MIDEAS: variants seen among roughly 807,000 people sequenced by gnomAD.
MIDEAS encodes mitotic deacetylase-associated SANT domain protein.
In MIDEAS, 26 loss-of-function variants were observed where a neutral mutation model predicts 102.7. The observed-to-expected ratio is 0.25, with a 90% CI of 0.19 to 0.35. MIDEAS has a LOEUF of 0.35. Ranked by LOEUF, MIDEAS falls within the 10% of genes least tolerant of loss-of-function variation. The pLI is 1.00. For missense variants in MIDEAS, 1,231 were observed against 1,435.6 expected, an observed-to-expected ratio of 0.86 and a Z score of 2.30; for synonymous variants, 585 against 591.0, an observed-to-expected ratio of 0.99 and a Z score of 0.15.
At chr14:73,779,985 G>A (rs1431546879) in intron 1 of MIDEAS, among the ~76,000 whole-genome samples, 7 of 150,384 alleles carry the variant, frequency 4.7e-5, no homozygotes, top group Admixed American at 3.3e-4. Context: ...CCATTCTCCC[G>A]ACTCAGCCTC....
rs1595252202 is a variant in MIDEAS, at chr14:73,722,810, T to C, written c.2612A>G (p.Tyr871Cys). Residue 871 changes from tyrosine (Y) to cysteine (C), a missense_variant, in exon 10 of 13, where the codon TAC becomes TGC. Tyr to Cys is a radical substitution (Grantham distance 194, BLOSUM62 -2). Coordinates refer to ENST00000423556, the MANE Select transcript of MIDEAS (RefSeq NM_001367710.1). ...TKTVAQCVEF[Y>C]YTYKKQVKIG... ...TTTCACCTGCTTCTTGTAGGTGTAGTAGAACTCCACGCACTGGGCCACGGT... is the reference window on the plus strand; with the variant it reads ...TTTCACCTGCTTCTTGTAGGTGTAGCAGAACTCCACGCACTGGGCCACGGT... 6.2e-7 allele frequency: 1 copy of C among 1,614,220 alleles called. No homozygotes were observed. Among genetic ancestry groups the C allele is most frequent in the South Asian group, 1.1e-5 (1 of 91,086 alleles).
chr14:73,738,973 AGCGGCGGGG>A lies in MIDEAS; in HGVS notation c.1027_1035del (p.Pro343_Arg345del), dbSNP rs1338136228. 6.5e-7 allele frequency: 1 copy of A among 1,531,464 alleles called. No homozygotes were observed. The highest frequency in any genetic ancestry group is 1.4e-5 in the African/African-American group (1 of 72,268). The allele number at this position is 1,531,464 out of a possible 1,614,324, so 94.9% of individuals were successfully genotyped here. On this transcript the variant is annotated inframe_deletion, in exon 2 of 13. Transcript: ENST00000423556. ...ATACCCTCCTTAGAGAGGCGGCGGG[AGCGGCGGGG>A]GAAGGGGATCTGGACCTGAGGTAGC...
rs141337993 is a variant in MIDEAS at position 73,729,946 on chromosome 14, C to T, written c.1789G>A (p.Val597Met). The change falls in exon 4 of 13, where the codon GTG becomes ATG. Residue 597 changes from valine (V) to methionine (M), a missense_variant. By Grantham distance (21) the Val-to-Met change is conservative. Coordinates refer to ENST00000423556, the MANE Select transcript of MIDEAS (RefSeq NM_001367710.1). ...MNVKLEGEPS[V>M]RKPKQRPRPE... is the part of the protein sequence containing the mutation. ...CTGGGCCGCTGCTTTGGTTTCCGCA[C>T]GGAAGGCTCCCCCTCCAACTTGACA... 76 of 1,601,068 alleles carry T rather than the reference C, an allele frequency of 4.7e-5. No individual in the cohort carries two copies. In the Middle Eastern group the frequency reaches 6.7e-4, roughly 14 times the overall value.
intron 4 of MIDEAS, 31 bp downstream of exon 4, chr14:73,729,609 C>CCTGCCAGGGT: frequency 6.4e-7 from 1 of 1,559,870 alleles, no homozygotes; most frequent in South Asian, 1.2e-5. Context: ...CAGCCCCGCT[C>CCTGCCAGGGT]CTGCCAGGGT....
At chr14:73,762,357 C>T (rs143052015), upstream of MIDEAS, among the ~76,000 whole-genome samples, 476 of 152,338 alleles carry the variant, frequency 3.1e-3, 3 homozygotes, top group African/African-American at 0.011. Context: ...ATAGTGGAGG[C>T]AGGTGGCAGG....
intron 3 of MIDEAS, among the ~76,000 whole-genome samples, chr14:73,735,645 G>T (rs1417338517): frequency 6.6e-6 from 1 of 152,250 alleles, no homozygotes; most frequent in Admixed American, 6.5e-5. Context: ...TAAATGATGG[G>T]AGAAGATGCA....
chr14:73,729,147 T>C (rs1000407925), intron 4 of MIDEAS: 1 of 154,086 alleles, frequency 6.5e-6, no homozygotes, highest in African/African-American at 2.4e-5. Flanking sequence ...CCAAAAAGAC[T>C]GTTCGAGAGC....
rs377084756 is a variant in MIDEAS at position 73,737,210 on chromosome 14, T to G, written c.1537A>C (p.Thr513Pro). The stretch of plus-strand genomic sequence containing the variant: ...CCACTGTCTTCTCGTGCTCGCTTGG[T>G]GGCTAAGGAAGGCTCAGAAAACTCC... Reference protein sequence around the residue: ...GVEFSEPSLATKRAREDSGMV... With the variant: ...GVEFSEPSLAPKRAREDSGMV... The change falls in exon 3 of 13, where the codon ACC becomes CCC. Residue 513 changes from threonine (T) to proline (P), a missense_variant. By Grantham distance (38) the Thr-to-Pro change is conservative. Coordinates refer to ENST00000423556, the MANE Select transcript of MIDEAS (RefSeq NM_001367710.1). The G allele has an allele frequency of 6.2e-7, 1 of 1,614,132 alleles. No individual in the cohort carries two copies. Among genetic ancestry groups the G allele is most frequent in the Non-Finnish European group, 8.5e-7 (1 of 1,180,028 alleles).
intron 1 of MIDEAS, among the ~76,000 whole-genome samples, chr14:73,767,661 C>T (rs2053603858): frequency 6.6e-6 from 1 of 152,056 alleles, no homozygotes; most frequent in Non-Finnish European, 1.5e-5. Flanking sequence ...AAAAGGCTCT[C>T]ATAAAATAAC....
chr14:73,784,656 A>G (rs1446949767), intron 1 of MIDEAS, among the ~76,000 whole-genome samples: 1 of 152,198 alleles, frequency 6.6e-6, no homozygotes, highest in Non-Finnish European at 1.5e-5. Context: ...TCATTATGGC[A>G]GTCCTGGTCA....
intron 1 of MIDEAS, among the ~76,000 whole-genome samples, chr14:73,768,511 CTTTTTT>C (rs59819061): frequency 3.6e-5 from 5 of 138,380 alleles, no homozygotes; most frequent in African/African-American, 5.7e-5. Context: ...TTATTGCCAA[CTTTTTT>C]TTTTTTTTTT....
At chr14:73,730,054 A>G in intron 3 of MIDEAS, 69 bp from the exon 4 acceptor site, 1 of 1,485,760 alleles carries the variant, frequency 6.7e-7, no homozygotes, top group Non-Finnish European at 9.3e-7. Context: ...TCTTAACCAC[A>G]GCTTGCCAGT....
At chr14:73,720,691 G>T (rs148819689) in intron 11 of MIDEAS, among the ~76,000 whole-genome samples, 1 of 152,198 alleles carries the variant, frequency 6.6e-6, no homozygotes, top group Middle Eastern at 3.2e-3. Flanking sequence ...CCTGTGATAT[G>T]GTGGACAGAG....
chr14:73,779,431 C>T (rs1207477313), intron 1 of MIDEAS, among the ~76,000 whole-genome samples: 1 of 148,414 alleles, frequency 6.7e-6, no homozygotes, highest in Non-Finnish European at 1.5e-5. Context: ...TCTTCCAGAA[C>T]TAAAGGAGCA....
intron 1 of MIDEAS, among the ~76,000 whole-genome samples, chr14:73,743,196 C>CT (rs2053304982): frequency 3.9e-5 from 6 of 152,184 alleles, no homozygotes; most frequent in Admixed American, 3.9e-4. Flanking sequence ...TCTACACCAC[C>CT]TCCAAGCAAG....
chr14:73,736,810 T>C (rs908899118), intron 3 of MIDEAS, among the ~76,000 whole-genome samples, 188 bp downstream of exon 3: 4 of 151,864 alleles, frequency 2.6e-5, no homozygotes, highest in Non-Finnish European at 5.9e-5. Flanking sequence ...CATCCCCCAT[T>C]AGGAGGGGGA....
chr14:73,763,691 GTTC>G (rs2053571094), upstream of MIDEAS, among the ~76,000 whole-genome samples: 1 of 152,106 alleles, frequency 6.6e-6, no homozygotes, highest in Non-Finnish European at 1.5e-5. Context: ...TGTCCCTTGT[GTTC>G]TTGTGTCCCT....
At chr14:73,762,748 T>C (rs1427256075), upstream of MIDEAS, among the ~76,000 whole-genome samples, 1 of 152,140 alleles carries the variant, frequency 6.6e-6, no homozygotes, top group Non-Finnish European at 1.5e-5. Context: ...TTCAGGGAAA[T>C]GGGGAGGTGT....
At chr14:73,740,336 G>A (rs2053267315) in intron 1 of MIDEAS, 81 bp from the exon 2 acceptor site, 3 of 399,328 alleles carry the variant, frequency 7.5e-6, no homozygotes, top group Non-Finnish European at 1.3e-5. Context: ...AAGAAAAGGG[G>A]CTCCAAGGGC....
Sources: gnomAD v4.1 joint callset for allele counts (sites outside exome capture counted in the v4.1 genomes callset) on GRCh38, gnomAD v4.1.1 for gene constraint, MANE v1.5 for transcripts, NCBI Gene and HGNC (gene_info 2026-07-23, HGNC 2026-07-21) for gene names.